The following MTUS2 variants were observed in gnomAD, a reference collection of about 807,000 sequenced individuals.
MTUS2 encodes the protein microtubule-associated tumor suppressor candidate 2.
Under a neutral mutation model 114.1 loss-of-function variants are expected in MTUS2, and 40 were observed. The observed-to-expected ratio is 0.35, with a 90% CI of 0.27 to 0.46. The LOEUF is 0.46. MTUS2 is among the 20% of genes least tolerant of loss of function. The probability of loss-of-function intolerance (pLI) is 1.00; values close to 1 mark genes in which losing one functional copy is unlikely to be tolerated. For synonymous variants in MTUS2, 688 were observed against 672.0 expected (o/e 1.02, Z -0.37); for missense variants, 1,679 against 1,705.4 (o/e 0.98, Z 0.27).
intron 14 of MTUS2, among the ~76,000 whole-genome samples, chr13:29,499,863 C>A (rs1165208331): frequency 2.0e-5 from 3 of 152,238 alleles, no homozygotes; most frequent in Non-Finnish European, 4.4e-5. Flanking sequence ...TTAATGGGGG[C>A]AGACCAGATG....
intron 2 of MTUS2, among the ~76,000 whole-genome samples, chr13:28,958,064 G>A (rs1228605460): frequency 1.3e-5 from 2 of 152,206 alleles, no homozygotes; most frequent in African/African-American, 2.4e-5. Flanking sequence ...GCTGCAACCC[G>A]TTGTGCTGGA....
intron 2 of MTUS2, among the ~76,000 whole-genome samples, chr13:28,847,958 G>A (rs2138016498): frequency 6.6e-6 from 1 of 152,262 alleles, no homozygotes; most frequent in African/African-American, 2.4e-5. Context: ...TTCTGCCTTG[G>A]CCAGGCTCAG....
chr13:29,223,407 A>T lies in MTUS2; in HGVS notation c.2645-58297A>T, dbSNP rs1287347700. 2.6e-5 allele frequency among the ~76,000 whole-genome samples: 4 copies of T among 152,220 alleles called. No individual in the cohort carries two copies. The East Asian group carries it at 7.8e-4, about 30-fold the overall frequency. On this transcript the variant is annotated intron_variant, in intron 5 of 15. Transcript: ENST00000612955. ...ATGCCCTGCCTGTGGAGAGCTACATACTGTGGGTCTCCCCTCTGCTGAGAG... is the reference window on the plus strand; with the variant it reads ...ATGCCCTGCCTGTGGAGAGCTACATTCTGTGGGTCTCCCCTCTGCTGAGAG...
Position 29,505,472 on chromosome 13 carries a change from C to G in MTUS2, c.*2266C>G. 6 of 206,080 alleles carry G rather than the reference C, an allele frequency of 2.9e-5. No homozygotes were observed. Among genetic ancestry groups the G allele is most frequent in the East Asian group, 6.5e-5 (1 of 15,292 alleles). 12.8% of individuals were successfully genotyped at this position (206,080 alleles called of 1,614,324 possible). On this transcript the variant is annotated 3_prime_UTR_variant, in exon 16 of 16. Coordinates refer to ENST00000612955, the MANE Select transcript of MTUS2 (RefSeq NM_001033602.4). Reference sequence around the variant, plus strand: ...GCTTCGTGGTTTGTTTGTTTTTTTTCTTTTGTTACGGACACCCATCATGTA... The same window carrying G: ...GCTTCGTGGTTTGTTTGTTTTTTTTGTTTTGTTACGGACACCCATCATGTA...
At chr13:29,450,652 A>G (rs1878619321) in intron 9 of MTUS2, among the ~76,000 whole-genome samples, 2 of 152,176 alleles carry the variant, frequency 1.3e-5, no homozygotes, top group Admixed American at 6.5e-5. Flanking sequence ...CAGATTGGAT[A>G]AAAAAAGAAA....
chr13:29,277,777 GT>G (rs1382832181), intron 5 of MTUS2, among the ~76,000 whole-genome samples: 1 of 152,160 alleles, frequency 6.6e-6, no homozygotes, highest in Non-Finnish European at 1.5e-5. Context: ...AAATTTTCCT[GT>G]GAACGGTTCA....
intron 8 of MTUS2, among the ~76,000 whole-genome samples, chr13:29,433,656 T>C (rs928690292): frequency 2.6e-5 from 4 of 152,226 alleles, no homozygotes; most frequent in African/African-American, 7.2e-5. Context: ...AAAGGTGGTA[T>C]GAAAACAACT....
At chr13:29,246,621 T>C (rs570877846) in intron 5 of MTUS2, among the ~76,000 whole-genome samples, 96 of 152,326 alleles carry the variant, frequency 6.3e-4, no homozygotes, top group Non-Finnish European at 1.2e-3. Flanking sequence ...ATGTAGTTCA[T>C]TAGGAATAAG....
intron 5 of MTUS2, among the ~76,000 whole-genome samples, chr13:29,255,249 G>T (rs9506126): frequency 1.3e-5 from 2 of 151,816 alleles, no homozygotes; most frequent in African/African-American, 4.8e-5. Flanking sequence ...TCAGATAGAG[G>T]CATGGTGTTA....
At chr13:29,075,877 C>CA (rs1489993093) in intron 4 of MTUS2, among the ~76,000 whole-genome samples, 1 of 152,198 alleles carries the variant, frequency 6.6e-6, no homozygotes, top group African/African-American at 2.4e-5. Context: ...AAACCTCTAA[C>CA]AAGTCCTACC....
At position 29,488,020 on chromosome 13, in the gene MTUS2, C is replaced by T. The variant is rs761912879; in HGVS notation, c.3505+15C>T. On this transcript the variant is annotated intron_variant, in intron 11 of 15. Transcript: ENST00000612955. ...CAAAGTCCAAGGTAGCTCCCAGCCT[C>T]GTGTGCAGCAGGCAGGGGTGGGTGG... is the stretch of plus-strand genomic sequence containing the variant. The T allele has an allele frequency of 7.7e-5, 123 of 1,597,264 alleles. No individual in the cohort carries two copies. Among genetic ancestry groups the T allele is most frequent in the Non-Finnish European group, 8.8e-5 (102 of 1,165,034 alleles).
At chr13:29,163,726 T>A (rs3011462) in intron 5 of MTUS2, among the ~76,000 whole-genome samples, 3 of 152,182 alleles carry the variant, frequency 2.0e-5, no homozygotes, top group African/African-American at 7.2e-5. Context: ...AGGGCACTCC[T>A]GAGCGAGCGC....
chr13:28,825,544 G>T (rs1276238763), intron 1 of MTUS2, among the ~76,000 whole-genome samples: 1 of 152,128 alleles, frequency 6.6e-6, no homozygotes, highest in East Asian at 1.9e-4. Context: ...TGCATGCCCA[G>T]ATGGCTGCTC....
chr13:29,005,679 A>G (rs1179268484), intron 2 of MTUS2, among the ~76,000 whole-genome samples: 1 of 152,262 alleles, frequency 6.6e-6, no homozygotes, highest in Non-Finnish European at 1.5e-5. Flanking sequence ...ACTTTAGCAC[A>G]TGTGAACCAG....
chr13:29,232,428 C>T (rs1348439684), intron 5 of MTUS2, among the ~76,000 whole-genome samples: 1 of 151,986 alleles, frequency 6.6e-6, no homozygotes, highest in Non-Finnish European at 1.5e-5. Flanking sequence ...AATGTGAGAG[C>T]TGGATGGAAC....
chr13:29,022,961 A>G (rs1886356247), intron 2 of MTUS2, among the ~76,000 whole-genome samples: 1 of 152,206 alleles, frequency 6.6e-6, no homozygotes, highest in Non-Finnish European at 1.5e-5. Context: ...CAGGTATTAG[A>G]CAATATTTAT....
At chr13:29,377,315 A>G (rs546555392) in intron 8 of MTUS2, among the ~76,000 whole-genome samples, 68 of 152,334 alleles carry the variant, frequency 4.5e-4, no homozygotes, top group African/African-American at 1.4e-3. Flanking sequence ...TCAAGTGTAC[A>G]TGGAACATTT....
chr13:29,243,290 C>T (rs1896796199), intron 5 of MTUS2, among the ~76,000 whole-genome samples: 1 of 152,138 alleles, frequency 6.6e-6, no homozygotes, highest in Non-Finnish European at 1.5e-5. Flanking sequence ...CAAAGCCACT[C>T]CACACCCAGA....
chr13:29,340,505 T>C (rs1254279496), intron 7 of MTUS2, among the ~76,000 whole-genome samples: 1 of 152,218 alleles, frequency 6.6e-6, no homozygotes, highest in Non-Finnish European at 1.5e-5. Context: ...AATTTTGCTC[T>C]TAAGAAAATG....
Sources: allele counts gnomAD v4.1 joint callset (sites outside exome capture counted in the v4.1 genomes callset), GRCh38; gene constraint gnomAD v4.1.1; transcripts MANE v1.5; gene names NCBI Gene and HGNC (gene_info 2026-07-23, HGNC 2026-07-21).